SNX30: variants seen among roughly 807,000 people sequenced by gnomAD.
SNX30 encodes the protein sorting nexin family member 30, also known as sorting nexin-30.
A neutral mutation model predicts 46.4 loss-of-function variants in SNX30; 24 were observed. The ratio of observed to expected loss-of-function variants is 0.52; its 90% confidence interval spans 0.37 to 0.73. The LOEUF is 0.73. SNX30 is among the 30% of genes least tolerant of loss of function. The pLI is 0.00. For missense variants in SNX30, 533 were observed against 555.7 expected (o/e 0.96, Z 0.41); for synonymous variants, 189 against 211.5 (o/e 0.89, Z 0.92).
At chr9:112,764,960 G>A (rs997875116) in intron 1 of SNX30, among the ~76,000 whole-genome samples, 5 of 152,170 alleles carry the variant, frequency 3.3e-5, no homozygotes, top group Admixed American at 6.5e-5. Flanking sequence ...CTCCAGAAAG[G>A]GAGTGAGTCT....
At chr9:112,767,121 T>TTTC (rs138535295) in intron 1 of SNX30, among the ~76,000 whole-genome samples, 119,760 of 144,648 alleles carry the variant, frequency 0.83, 49,358 homozygotes, top group South Asian at 0.89. Flanking sequence ...CACTAATTAT[T>TTTC]TTATTTTTTT....
chr9:112,782,060 T>G (rs1272452431), intron 1 of SNX30, among the ~76,000 whole-genome samples: 1 of 151,966 alleles, frequency 6.6e-6, no homozygotes, highest in African/African-American at 2.4e-5. Flanking sequence ...TTAGTAAAGG[T>G]TTTTTATTTT....
Position 112,782,112 on chromosome 9 carries a change from G to A in SNX30, c.157-22664G>A, listed in dbSNP as rs1362351684. On this transcript the variant is annotated intron_variant, in intron 1 of 8. Transcript: ENST00000374232. Reference sequence around the variant, plus strand: ...ACGGAGTTTTGCTCTTATTGTCCAGGCTGGAGTGCAATGGTGCAACCTCGG... The same window carrying A: ...ACGGAGTTTTGCTCTTATTGTCCAGACTGGAGTGCAATGGTGCAACCTCGG... Among the ~76,000 whole-genome samples the A allele has an allele frequency of 2.0e-5, 3 of 152,072 alleles. No homozygotes were observed. In the East Asian group the frequency reaches 5.8e-4, roughly 29 times the overall value.
At chr9:112,866,047 A>C (rs908036930) in intron 8 of SNX30, among the ~76,000 whole-genome samples, 2 of 152,140 alleles carry the variant, frequency 1.3e-5, no homozygotes, top group Non-Finnish European at 2.9e-5. Context: ...ACTATATCAC[A>C]GGCAGGGCCA....
intron 8 of SNX30, among the ~76,000 whole-genome samples, chr9:112,864,980 C>T (rs1841296023): frequency 1.1e-5 from 1 of 90,504 alleles, no homozygotes; most frequent in Non-Finnish European, 2.2e-5. Context: ...AGCGCACGCA[C>T]ATGCGCGTGC....
chr9:112,853,576 GTT>G (rs1395298942), intron 7 of SNX30, among the ~76,000 whole-genome samples: 1 of 152,228 alleles, frequency 6.6e-6, no homozygotes, highest in African/African-American at 2.4e-5. Flanking sequence ...TATTTTAAAA[GTT>G]TGCATTTAGC....
chr9:112,814,172 A>C (rs1840361513), intron 2 of SNX30, among the ~76,000 whole-genome samples: 1 of 152,262 alleles, frequency 6.6e-6, no homozygotes, highest in Non-Finnish European at 1.5e-5. Flanking sequence ...AACCATTTGG[A>C]AATTATGATA....
intron 1 of SNX30, among the ~76,000 whole-genome samples, chr9:112,789,253 G>A (rs62576394): frequency 0.068 from 10,376 of 152,174 alleles, 454 homozygotes; most frequent in Non-Finnish European, 0.099. Flanking sequence ...TTTGTGTTGG[G>A]GATCTTAGTT....
chr9:112,809,806 C>T lies in SNX30; in HGVS notation c.348+4839C>T, dbSNP rs188704505. 1.6e-3 allele frequency among the ~76,000 whole-genome samples: 239 copies of T among 151,264 alleles called. 2 individuals carry two copies. Among genetic ancestry groups the T allele is most frequent in the African/African-American group, 5.5e-3 (227 of 41,202 alleles). Reference sequence around the variant, plus strand: ...AGAGAGAAGAGTGTTAGAATTCTGGCAATGAAAACAAGCATAGAGAGCAGT... The same window carrying T: ...AGAGAGAAGAGTGTTAGAATTCTGGTAATGAAAACAAGCATAGAGAGCAGT... On this transcript the variant is annotated intron_variant, in intron 2 of 8. Transcript: ENST00000374232.
intron 8 of SNX30, among the ~76,000 whole-genome samples, chr9:112,868,423 G>T (rs927401201): frequency 5.9e-5 from 9 of 152,120 alleles, no homozygotes; most frequent in Non-Finnish European, 5.9e-5. Flanking sequence ...CTCCATCCCT[G>T]CCGAGATTCT....
intron 3 of SNX30, among the ~76,000 whole-genome samples, chr9:112,824,053 G>A (rs373251462): frequency 2.6e-5 from 4 of 152,298 alleles, no homozygotes; most frequent in African/African-American, 9.6e-5. Flanking sequence ...AATATTTGTT[G>A]AATTGCTTAG....
At chr9:112,879,354 C>T (rs1190433415), downstream of SNX30, 2 of 167,848 alleles carry the variant, frequency 1.2e-5, no homozygotes, top group African/African-American at 4.7e-5. Flanking sequence ...GGACTTTCAG[C>T]ACAGCACCCA....
At chr9:112,767,364 A>G (rs1229839041) in intron 1 of SNX30, among the ~76,000 whole-genome samples, 5 of 152,078 alleles carry the variant, frequency 3.3e-5, no homozygotes, top group African/African-American at 9.7e-5. Context: ...ATGTTTTGCA[A>G]GCATTTTCTC....
At chr9:112,825,016 G>T (rs183722809) in intron 3 of SNX30, among the ~76,000 whole-genome samples, 3 of 152,088 alleles carry the variant, frequency 2.0e-5, no homozygotes, top group Non-Finnish European at 4.4e-5. Flanking sequence ...TTCCCAGCCC[G>T]GCTATAATGA....
intron 1 of SNX30, among the ~76,000 whole-genome samples, chr9:112,779,550 C>G (rs1564266294): frequency 6.6e-6 from 1 of 152,114 alleles, no homozygotes; most frequent in Non-Finnish European, 1.5e-5. Context: ...CAAAAATTAG[C>G]TAGGCATCGT....
intron 2 of SNX30, among the ~76,000 whole-genome samples, chr9:112,809,771 G>A (rs776565461): frequency 2.7e-4 from 41 of 152,110 alleles, no homozygotes; most frequent in Non-Finnish European, 2.9e-4. Flanking sequence ...TAGAGTGAGC[G>A]AGGGGTAAGA....
chr9:112,773,265 C>T (rs2131366819), intron 1 of SNX30, among the ~76,000 whole-genome samples: 1 of 152,294 alleles, frequency 6.6e-6, no homozygotes, highest in South Asian at 2.1e-4. Flanking sequence ...ATAATAGTAC[C>T]TGTCTCATAA....
At chr9:112,807,545 T>C (rs1161425810) in intron 2 of SNX30, among the ~76,000 whole-genome samples, 1 of 152,224 alleles carries the variant, frequency 6.6e-6, no homozygotes, top group Non-Finnish European at 1.5e-5. Context: ...CCAGGAATTA[T>C]ATCCATTTAT....
intron 1 of SNX30, among the ~76,000 whole-genome samples, chr9:112,751,737 C>A (rs2131340185): frequency 6.6e-6 from 1 of 152,268 alleles, no homozygotes; most frequent in African/African-American, 2.4e-5. Context: ...GGTTTTCTGT[C>A]TGGGGCTCCA....
Sources: gnomAD v4.1 joint callset for allele counts (sites outside exome capture counted in the v4.1 genomes callset) on GRCh38, gnomAD v4.1.1 for gene constraint, MANE v1.5 for transcripts, NCBI Gene and HGNC (gene_info 2026-07-23, HGNC 2026-07-21) for gene names.